Variants in TRIO observed in about 807,000 individuals in gnomAD.
TRIO encodes the protein trio Rho guanine nucleotide exchange factor.
In TRIO, 58 loss-of-function variants were observed where a neutral mutation model predicts 351.9. The ratio of observed to expected loss-of-function variants is 0.16; its 90% CI spans 0.13 to 0.21. The LOEUF is 0.21. Among genes scored for constraint, TRIO ranks in the 10% least tolerant of loss-of-function variants. TRIO has a pLI of 1.00. For synonymous variants in TRIO, 1,758 were observed against 1,595.7 expected (o/e 1.10, Z -2.42); for missense variants, 3,201 against 4,027.8 (o/e 0.79, Z 5.56).
chr5:14,398,523 A>G (rs1183629641), intron 29 of TRIO, among the ~76,000 whole-genome samples: 1 of 152,134 alleles, frequency 6.6e-6, no homozygotes, highest in Non-Finnish European at 1.5e-5. Context: ...GAACTGTTTC[A>G]GAGGAGGAGC....
chr5:14,431,559 A>G (rs1751143620), intron 34 of TRIO, among the ~76,000 whole-genome samples: 2 of 152,190 alleles, frequency 1.3e-5, no homozygotes, highest in Admixed American at 6.5e-5. Context: ...AGGAGTCTGT[A>G]GAATTTGAAT....
intron 34 of TRIO, among the ~76,000 whole-genome samples, chr5:14,427,696 A>G (rs1294264455): frequency 6.6e-6 from 1 of 152,006 alleles, no homozygotes; most frequent in African/African-American, 2.4e-5. Context: ...CAGGATGGAG[A>G]GGTCCCATGT....
At chr5:14,479,469 G>A in intron 42 of TRIO, 119 bp downstream of exon 42, 1 of 811,472 alleles carries the variant, frequency 1.2e-6, no homozygotes, top group Non-Finnish European at 1.9e-6. Context: ...TAGCCTGAGT[G>A]ATAAGACTTC....
Position 14,509,406 on chromosome 5 carries a change from G to A in TRIO, c.*984G>A, listed in dbSNP as rs1451567524. ...TGTGTGTGTTGGGGTTGGCGGGTGG[G>A]TGGGTAGGGTCGTAGCCCTGTGCCA... On this transcript the variant is annotated 3_prime_UTR_variant, in exon 57 of 57. Coordinates refer to ENST00000344204, the MANE Select transcript of TRIO (RefSeq NM_007118.4). The A allele has an allele frequency of 6.5e-6, 3 of 460,398 alleles. No individual in the cohort carries two copies. Among genetic ancestry groups the A allele is most frequent in the South Asian group, 3.1e-5 (2 of 64,280 alleles). 28.5% of individuals were successfully genotyped at this position (460,398 alleles called of 1,614,324 possible). A position where few individuals can be genotyped will look rare whatever the true frequency, so the allele number is the denominator to read the frequency against.
At chr5:14,145,231 G>C (rs996751960) in intron 1 of TRIO, among the ~76,000 whole-genome samples, 7 of 152,246 alleles carry the variant, frequency 4.6e-5, no homozygotes, top group Non-Finnish European at 8.8e-5. Flanking sequence ...AGCAATTGCA[G>C]CGGGAGGGCG....
chr5:14,412,343 C>A (rs527486906), intron 33 of TRIO, among the ~76,000 whole-genome samples: 1 of 151,904 alleles, frequency 6.6e-6, no homozygotes, highest in Non-Finnish European at 1.5e-5. Flanking sequence ...TGTCAAGTGA[C>A]GTTCTACACT....
intron 33 of TRIO, among the ~76,000 whole-genome samples, chr5:14,414,961 C>A (rs1327101667): frequency 6.6e-6 from 1 of 152,140 alleles, no homozygotes; most frequent in African/African-American, 2.4e-5. Flanking sequence ...CCTATAGTTA[C>A]CCTTTTTTGT....
At chr5:14,391,952 C>A (rs895356098) in intron 27 of TRIO, among the ~76,000 whole-genome samples, 11 of 152,194 alleles carry the variant, frequency 7.2e-5, no homozygotes, top group Non-Finnish European at 1.2e-4. Context: ...GTGGCCTTTT[C>A]TTGTTAATAT....
intron 8 of TRIO, among the ~76,000 whole-genome samples, chr5:14,315,282 A>C (rs1581599705): frequency 7.4e-6 from 1 of 135,930 alleles, no homozygotes; most frequent in African/African-American, 2.8e-5. Context: ...ATGGAGTCTC[A>C]CTCTGTCGCC....
At chr5:14,180,087 C>T (rs2657052) in intron 1 of TRIO, among the ~76,000 whole-genome samples, 41 of 111,208 alleles carry the variant, frequency 3.7e-4, no homozygotes, top group African/African-American at 1.5e-3. Context: ...GGTGACAGAG[C>T]AGGACTCCTG....
chr5:14,487,419 T>C, intron 47 of TRIO, 45 bp from the exon 48 acceptor site: 1 of 1,094,100 alleles, frequency 9.1e-7, no homozygotes, highest in Non-Finnish European at 1.1e-6. Flanking sequence ...CGCGGCGTGC[T>C]CCTTGGCGCC....
rs77387444 is a variant in TRIO at position 14,159,169 on chromosome 5, C to T, written c.157+15287C>T. Reference sequence around the variant, plus strand: ...TCAGTTTTTTCTACTCCCACTCCCCCTCTCCCTTTTTTTGGTGTTAGAAAA... The same window carrying T: ...TCAGTTTTTTCTACTCCCACTCCCCTTCTCCCTTTTTTTGGTGTTAGAAAA... On this transcript the variant is annotated intron_variant, in intron 1 of 56. Transcript: ENST00000344204. Among the ~76,000 whole-genome samples the T allele has an allele frequency of 6.3e-3, 960 of 152,290 alleles. 4 individuals carry two copies. The highest frequency in any genetic ancestry group is 0.022 in the African/African-American group (907 of 41,560).
At chr5:14,464,512 A>T (rs1292617944) in intron 36 of TRIO, among the ~76,000 whole-genome samples, 1 of 152,160 alleles carries the variant, frequency 6.6e-6, no homozygotes, top group Non-Finnish European at 1.5e-5. Context: ...CTGCAGCATT[A>T]TGTTGATTTG....
intron 34 of TRIO, among the ~76,000 whole-genome samples, chr5:14,455,577 A>G (rs1019030003): frequency 4.6e-5 from 7 of 151,664 alleles, no homozygotes; most frequent in African/African-American, 1.7e-4. Flanking sequence ...TAGATTAGCT[A>G]GACACAGAGT....
At chr5:14,406,892 C>T (rs1471833163) in intron 33 of TRIO, among the ~76,000 whole-genome samples, 1 of 152,178 alleles carries the variant, frequency 6.6e-6, no homozygotes, top group African/African-American at 2.4e-5. Context: ...TCAACTCTTT[C>T]CATCCTGCCC....
chr5:14,282,632 A>C (rs967700347), intron 3 of TRIO, among the ~76,000 whole-genome samples: 1 of 152,304 alleles, frequency 6.6e-6, no homozygotes, highest in Middle Eastern at 3.4e-3. Context: ...TAATATCATG[A>C]ACACACATAT....
intron 1 of TRIO, among the ~76,000 whole-genome samples, chr5:14,213,450 C>T (rs1200523321): frequency 6.6e-6 from 1 of 151,950 alleles, no homozygotes; most frequent in African/African-American, 2.4e-5. Context: ...ACATGCCTGA[C>T]TCACCAGTTA....
intron 34 of TRIO, among the ~76,000 whole-genome samples, chr5:14,449,884 C>T (rs955972036): frequency 1.3e-5 from 2 of 152,146 alleles, no homozygotes; most frequent in South Asian, 2.1e-4. Flanking sequence ...AATTTCTTCA[C>T]GTTTCTTTAT....
chr5:14,308,719 G>GTCCATCCATCCA (rs56135752), intron 8 of TRIO, among the ~76,000 whole-genome samples: 310 of 125,080 alleles, frequency 2.5e-3, no homozygotes, highest in East Asian at 7.1e-3. Flanking sequence ...CCATTCATTT[G>GTCCATCCATCCA]TCCATCCATC....
Sources: allele counts gnomAD v4.1 joint callset (sites outside exome capture counted in the v4.1 genomes callset), GRCh38; gene constraint gnomAD v4.1.1; transcripts MANE v1.5; gene names NCBI Gene and HGNC (gene_info 2026-07-23, HGNC 2026-07-21).